Variants in ABCA1 observed in about 807,000 individuals in gnomAD.
ABCA1 encodes phospholipid-transporting ATPase ABCA1.
In ABCA1, 133 loss-of-function variants were observed where a neutral mutation model predicts 262.5. The observed-to-expected ratio is 0.51, with a 90% CI of 0.44 to 0.59. The LOEUF is 0.59. Ranked by LOEUF, ABCA1 falls within the 20% of genes least tolerant of loss-of-function variation. The pLI is 0.00. For synonymous variants in ABCA1, 1,022 were observed against 1,043.5 expected, an observed-to-expected ratio of 0.98 and a Z score of 0.40; for missense variants, 2,452 against 2,777.5, an observed-to-expected ratio of 0.88 and a Z score of 2.63.
intron 2 of ABCA1, among the ~76,000 whole-genome samples, chr9:104,896,737 T>A (rs1269433123): frequency 3.3e-5 from 3 of 89,608 alleles, no homozygotes; most frequent in African/African-American, 1.6e-4. Context: ...TTTTTTTTTT[T>A]TTTTTTTTTT....
intron 28 of ABCA1, 81 bp downstream of exon 28, chr9:104,812,493 A>T (rs1831366578): frequency 6.4e-7 from 1 of 1,574,298 alleles, no homozygotes; most frequent in African/African-American, 1.4e-5. Context: ...CTTGACCAGG[A>T]TGCTATCCTG....
chr9:104,804,667 C>T lies in ABCA1; in HGVS notation c.4518G>A (p.Ser1506=), dbSNP rs201151724. The T allele has an allele frequency of 2.4e-5, 38 of 1,614,016 alleles. No individual in the cohort carries two copies. Among genetic ancestry groups the T allele is most frequent in the African/African-American group, 6.7e-5 (5 of 74,914 alleles). The change falls in exon 32 of 50, where the codon TCG becomes TCA. Residue 1506 remains serine, a synonymous_variant. Transcript: ENST00000374736. ...GCACATACGTCTTCACCAGATAATC[C>T]GAAATGTTTCTTCCTGTCAGGTCCT... The part of the protein sequence containing the change: ...ILQDLTGRNI[S]DYLVKTYVQI...
rs189771751 is a variant in ABCA1, at chr9:104,926,263, C to T, written c.-93+1672G>A. On this transcript the variant is annotated intron_variant, in intron 1 of 49. Coordinates refer to ENST00000374736, the MANE Select transcript of ABCA1 (RefSeq NM_005502.4). ...TTAAAAGCTAATGGTATCAGTGCTG[C>T]AAAGGCAGGCCAATTACTGCCAGTG... 3.0e-4 allele frequency among the ~76,000 whole-genome samples: 45 copies of T among 152,220 alleles called. No homozygotes were observed. The East Asian group carries it at 8.3e-3, about 28-fold the overall frequency.
chr9:104,925,821 A>T (rs1826277179), intron 1 of ABCA1, among the ~76,000 whole-genome samples: 2 of 152,278 alleles, frequency 1.3e-5, no homozygotes, highest in Admixed American at 1.3e-4. Flanking sequence ...ACTTTCTCTG[A>T]TTTAGGAGAA....
intron 4 of ABCA1, among the ~76,000 whole-genome samples, chr9:104,884,008 C>G (rs3904999): frequency 6.6e-6 from 1 of 152,022 alleles, no homozygotes; most frequent in Non-Finnish European, 1.5e-5. Flanking sequence ...AGAGAGGTGA[C>G]CTGATGCAGA....
intron 2 of ABCA1, among the ~76,000 whole-genome samples, chr9:104,891,676 C>G (rs58065385): frequency 0.035 from 5,268 of 151,160 alleles, 320 homozygotes; most frequent in African/African-American, 0.12. Flanking sequence ...ATGATAAGAA[C>G]GTAGGTGTGG....
intron 2 of ABCA1, among the ~76,000 whole-genome samples, chr9:104,898,968 A>G (rs2118402971): frequency 6.6e-6 from 1 of 152,304 alleles, no homozygotes; most frequent in Non-Finnish European, 1.5e-5. Flanking sequence ...TTGTGTGATG[A>G]TATGTTTCAC....
intron 1 of ABCA1, among the ~76,000 whole-genome samples, chr9:104,913,699 C>G (rs1415652301): frequency 6.6e-6 from 1 of 152,214 alleles, no homozygotes; most frequent in Non-Finnish European, 1.5e-5. Flanking sequence ...GTCCTCACCA[C>G]TCACTTATAC....
At position 104,821,429 on chromosome 9, in the gene ABCA1, C is replaced by T; in HGVS notation, c.2906G>A (p.Ser969Asn). ...ILGKDIRSEM[S>N]TIRQNLGVCP... is the part of the protein sequence containing the mutation. ...GACCCCCAGGTTCTGCCGGATGGTG[C>T]TCATCTCAGAGCGAATGTCTTTTCC... The change falls in exon 20 of 50, where the codon AGC (serine) becomes AAC (asparagine). Residue 969 changes from serine to asparagine, a missense_variant. Coordinates refer to ENST00000374736, the MANE Select transcript of ABCA1 (RefSeq NM_005502.4). The T allele has an allele frequency of 6.2e-7, 1 of 1,614,148 alleles. No homozygotes were observed.
intron 30 of ABCA1, among the ~76,000 whole-genome samples, chr9:104,809,182 AGT>A (rs1831052568): frequency 6.6e-6 from 1 of 152,278 alleles, no homozygotes; most frequent in Admixed American, 6.5e-5. Context: ...GCATTTCATC[AGT>A]AAGTGTAAAG....
chr9:104,856,221 G>A lies in ABCA1; in HGVS notation c.720+2301C>T, dbSNP rs1253512495. 7.9e-6 allele frequency: 11 copies of A among 1,393,678 alleles called. 1 individual carries two copies. The South Asian group carries it at 1.4e-4, about 18-fold the overall frequency. 86.3% of individuals were successfully genotyped at this position (1,393,678 alleles called of 1,614,324 possible). ...ATAAGTAAGAGTCACATTTCAAAAT[G>A]TTTGGAAGTCATTTCATCCTAAAGC... is the stretch of plus-strand genomic sequence containing the variant. On this transcript the variant is annotated intron_variant, in intron 7 of 49. Transcript: ENST00000374736.
Position 104,817,368 on chromosome 9 carries a change from G to A in ABCA1, c.3499C>T (p.Leu1167=), listed in dbSNP as rs1419012507. ...GTGTCACTCTCATGGTCGCTGCCCA[G>A]GCCAGCATCAGAACTGCTCTGAGAA... is the stretch of plus-strand genomic sequence containing the variant. The part of the protein sequence containing the change: ...SVSQSSSDAG[L]GSDHESDTLT... Residue 1167 remains leucine (L), a synonymous_variant, in exon 24 of 50, where the codon CTG becomes TTG. Transcript: ENST00000374736. This position sits in a 1 kb window ranked among gnomAD's most constrained non-coding sequence, Gnocchi z 4.7. 1.9e-6 allele frequency: 3 copies of A among 1,614,194 alleles called. No individual in the cohort carries two copies. The highest frequency in any genetic ancestry group is 2.5e-6 in the Non-Finnish European group (3 of 1,180,032).
intron 7 of ABCA1, among the ~76,000 whole-genome samples, chr9:104,853,053 C>A (rs1835517585): frequency 6.6e-6 from 1 of 152,224 alleles, no homozygotes; most frequent in Non-Finnish European, 1.5e-5. Flanking sequence ...CTTCTTCGAT[C>A]TGTACACAGC....
intron 30 of ABCA1, among the ~76,000 whole-genome samples, chr9:104,807,590 T>A (rs1310421202): frequency 6.6e-6 from 1 of 151,870 alleles, no homozygotes. Context: ...CGAAGGCGGG[T>A]GGATCACTAA....
rs1226096634 is a variant in ABCA1 at position 104,806,324 on chromosome 9, G to A, written c.4381C>T (p.Pro1461Ser). The change falls in exon 31 of 50, where the codon CCT (proline) becomes TCT (serine). Residue 1461 changes from proline to serine, a missense_variant. Physicochemically the swap from Pro to Ser is moderately conservative, Grantham distance 74 (BLOSUM62 -1). Around this residue, in one of 4 missense-constraint regions of ABCA1, gnomAD observed 665 missense variants for 727.3 expected, o/e 0.91. Transcript: ENST00000374736. ...NGNWTMQNPSPACQCSSDKIK... is the reference protein window; with the variant it reads ...NGNWTMQNPSSACQCSSDKIK... ...TTGTCGCTGCTACACTGGCATGCAG[G>A]TGAAGGGTTCTGCATTGTCCAGTTC... 1.7e-5 allele frequency: 27 copies of A among 1,614,056 alleles called. No individual in the cohort carries two copies. The highest frequency in any genetic ancestry group is 2.3e-5 in the Non-Finnish European group (27 of 1,180,050).
intron 7 of ABCA1, among the ~76,000 whole-genome samples, chr9:104,852,778 A>C (rs560855643): frequency 3.9e-5 from 6 of 152,326 alleles, no homozygotes; most frequent in African/African-American, 1.4e-4. Context: ...GTCAAATCAC[A>C]CAAAGCCAAA....
intron 5 of ABCA1, among the ~76,000 whole-genome samples, chr9:104,876,775 G>A (rs1838202653): frequency 1.3e-5 from 2 of 152,138 alleles, no homozygotes; most frequent in South Asian, 4.1e-4. Flanking sequence ...CAGAGAGGGG[G>A]CACAGCGATG....
chr9:104,893,421 C>CAAAAAAAAAAAAAAAAAAAAAAAAAAAA (rs34544647), intron 2 of ABCA1, among the ~76,000 whole-genome samples: 5 of 35,260 alleles, frequency 1.4e-4, no homozygotes, highest in Admixed American at 3.9e-4. Flanking sequence ...GACTTCACCT[C>CAAAAAAAAAAAAAAAAAAAAAAAAAAAA]AAAAAAAAAA....
At chr9:104,870,677 G>C (rs1837526311) in intron 5 of ABCA1, among the ~76,000 whole-genome samples, 1 of 152,152 alleles carries the variant, frequency 6.6e-6, no homozygotes, top group Non-Finnish European at 1.5e-5. Flanking sequence ...ATGTGCGTCT[G>C]TGTGAAGAGA....
Sources: gnomAD v4.1 joint callset for allele counts (sites outside exome capture counted in the v4.1 genomes callset) on GRCh38, gnomAD v4.1.1 for gene constraint, gnomAD v4.1.1 regional missense constraint, Gnocchi (gnomAD v3.1) non-coding constraint, MANE v1.5 for transcripts, NCBI Gene and HGNC (gene_info 2026-07-23, HGNC 2026-07-21) for gene names.